TBCEL: variants seen among roughly 807,000 people sequenced by gnomAD.
TBCEL encodes the protein tubulin-specific chaperone cofactor E-like protein.
TBCEL carries 15 observed loss-of-function variants against 44.2 expected under a neutral mutation model. That is an observed-to-expected ratio of 0.34 (90% CI 0.23 to 0.52). The LOEUF (loss-of-function observed/expected upper bound fraction) is 0.52. TBCEL is among the 20% of genes least tolerant of loss of function. The probability of loss-of-function intolerance (pLI) is 0.95; values close to 1 mark genes in which losing one functional copy is unlikely to be tolerated. For synonymous variants in TBCEL, 171 were observed against 185.4 expected, an observed-to-expected ratio of 0.92 and a Z score of 0.63; for missense variants, 319 against 506.3, an observed-to-expected ratio of 0.63 and a Z score of 3.55.
chr11:121,037,571 T>G (rs1945254639), intron 2 of TBCEL, among the ~76,000 whole-genome samples: 1 of 152,224 alleles, frequency 6.6e-6, no homozygotes, highest in Non-Finnish European at 1.5e-5. Flanking sequence ...AAAAACTTAC[T>G]AATGGAATAC....
At chr11:121,037,843 A>G (rs1945259698) in intron 2 of TBCEL, among the ~76,000 whole-genome samples, 1 of 152,190 alleles carries the variant, frequency 6.6e-6, no homozygotes, top group Non-Finnish European at 1.5e-5. Context: ...AAAGCTTTTG[A>G]TAATACTTAT....
chr11:121,041,712 C>CT (rs1057022121), intron 2 of TBCEL, among the ~76,000 whole-genome samples: 6 of 151,944 alleles, frequency 3.9e-5, no homozygotes, highest in African/African-American at 1.4e-4. Flanking sequence ...GGTTTTCAGC[C>CT]TTTTTTCCCA....
In TBCEL at chr11:121,038,814, G is replaced by A. The variant is rs569188319; in HGVS notation, c.-18+2202G>A. The stretch of plus-strand genomic sequence containing the variant: ...TTTTTTCCACCAACTGTCCCACCTC[G>A]TCCACTTTCATTTAAGCCTCTCAAA... On this transcript the variant is annotated intron_variant, in intron 2 of 8. Coordinates refer to ENST00000683345, the MANE Select transcript of TBCEL (RefSeq NM_001363644.2). Among the ~76,000 whole-genome samples, 10 of 151,854 alleles carry A rather than the reference G, an allele frequency of 6.6e-5. No homozygotes were observed. The South Asian group carries it at 1.0e-3, about 16-fold the overall frequency.
chr11:121,060,206 G>A (rs1262674863), intron 8 of TBCEL, 121 bp downstream of exon 8: 4 of 656,572 alleles, frequency 6.1e-6, no homozygotes, highest in East Asian at 2.7e-5. Context: ...TTGTTAATAC[G>A]TTAAAAAAAA....
At chr11:121,038,361 T>C (rs1945271774) in intron 2 of TBCEL, among the ~76,000 whole-genome samples, 1 of 152,222 alleles carries the variant, frequency 6.6e-6, no homozygotes, top group Admixed American at 6.5e-5. Context: ...GAAAAATATG[T>C]AACATATACA....
intron 3 of TBCEL, among the ~76,000 whole-genome samples, 179 bp downstream of exon 3, chr11:121,046,002 G>A (rs1249147084): frequency 6.6e-6 from 1 of 152,062 alleles, no homozygotes; most frequent in Non-Finnish European, 1.5e-5. Context: ...CCTCCAGATT[G>A]ATTAAGAGAT....
chr11:121,053,494 T>C (rs1161657939), intron 4 of TBCEL, 57 bp from the exon 5 acceptor site: 1 of 1,530,842 alleles, frequency 6.5e-7, no homozygotes, highest in Admixed American at 1.8e-5. Flanking sequence ...TTGAGCATGA[T>C]TGCTATTTAA....
intron 8 of TBCEL, among the ~76,000 whole-genome samples, chr11:121,063,744 C>CTAACTTTGCCTGCACA (rs1945767083): frequency 1.3e-5 from 2 of 152,176 alleles, no homozygotes; most frequent in Non-Finnish European, 2.9e-5. Context: ...TCGCTTGCAC[C>CTAACTTTGCCTGCACA]TAACTTTGCC....
chr11:121,087,354 A>G lies in TBCEL; in HGVS notation c.*258A>G, dbSNP rs966168946. ...GTGCCCTCTCTAAGGAAAGATGACA[A>G]AGAAATCACCGACTTCTTACTGTGT... On this transcript the variant is annotated 3_prime_UTR_variant, in exon 9 of 9. Transcript: ENST00000683345. The G allele has an allele frequency of 1.1e-5, 5 of 448,466 alleles. No homozygotes were observed. The highest frequency in any genetic ancestry group is 3.9e-5 in the Admixed American group (1 of 25,740). The allele number at this position is 448,466 out of a possible 1,614,324, so 27.8% of individuals were successfully genotyped here. A position where few individuals can be genotyped will look rare whatever the true frequency, so the allele number is the denominator to read the frequency against.
At chr11:121,083,977 T>C (rs1946170670) in intron 8 of TBCEL, among the ~76,000 whole-genome samples, 1 of 152,316 alleles carries the variant, frequency 6.6e-6, no homozygotes, top group East Asian at 1.9e-4. Context: ...TGGCTGTGGC[T>C]TTTCTACTGT....
At chr11:121,049,063 A>G (rs1215191809) in intron 4 of TBCEL, among the ~76,000 whole-genome samples, 1 of 151,922 alleles carries the variant, frequency 6.6e-6, no homozygotes, top group Non-Finnish European at 1.5e-5. Flanking sequence ...CTAATAGACT[A>G]TGAGCTTATT....
intron 2 of TBCEL, among the ~76,000 whole-genome samples, chr11:121,043,303 C>T (rs1945367917): frequency 6.6e-6 from 1 of 152,036 alleles, no homozygotes; most frequent in African/African-American, 2.4e-5. Flanking sequence ...TGAATTGATA[C>T]TGAAAGAAAT....
At chr11:121,069,460 G>A (rs1187648601) in intron 8 of TBCEL, among the ~76,000 whole-genome samples, 1 of 152,142 alleles carries the variant, frequency 6.6e-6, no homozygotes, top group Non-Finnish European at 1.5e-5. Flanking sequence ...GTCTTTATGT[G>A]CAGTGAACTA....
intron 8 of TBCEL, among the ~76,000 whole-genome samples, chr11:121,071,272 ATCCTC>A (rs1945926089): frequency 1.3e-5 from 2 of 152,168 alleles, no homozygotes; most frequent in South Asian, 4.1e-4. Context: ...ATACACAGTC[ATCCTC>A]TTTAATTTTA....
At chr11:121,041,885 G>A (rs1565493880) in intron 2 of TBCEL, among the ~76,000 whole-genome samples, 1 of 146,542 alleles carries the variant, frequency 6.8e-6, no homozygotes. Flanking sequence ...AATGACCAAT[G>A]AAGGTACTTG....
At chr11:121,034,163 T>C (rs1945190212) in intron 1 of TBCEL, among the ~76,000 whole-genome samples, 1 of 152,194 alleles carries the variant, frequency 6.6e-6, no homozygotes, top group Admixed American at 6.5e-5. Context: ...GCTTAAGTTT[T>C]TGAGGAACAA....
intron 2 of TBCEL, among the ~76,000 whole-genome samples, chr11:121,045,312 G>A (rs1045895086): frequency 1.3e-5 from 2 of 152,062 alleles, no homozygotes; most frequent in African/African-American, 2.4e-5. Context: ...TTAGCCTGAT[G>A]TTCAATCTGT....
intron 4 of TBCEL, among the ~76,000 whole-genome samples, chr11:121,049,260 G>A (rs1394712257): frequency 6.6e-6 from 1 of 151,766 alleles, no homozygotes; most frequent in African/African-American, 2.4e-5. Flanking sequence ...TTATCCATAA[G>A]GTAGGCTTGC....
At chr11:121,040,800 A>G (rs976216019) in intron 2 of TBCEL, among the ~76,000 whole-genome samples, 1 of 152,172 alleles carries the variant, frequency 6.6e-6, no homozygotes, top group Non-Finnish European at 1.5e-5. Flanking sequence ...AAGATGATGT[A>G]TGCACATGGT....
Sources: gnomAD v4.1 joint callset for allele counts (sites outside exome capture counted in the v4.1 genomes callset) on GRCh38, gnomAD v4.1.1 for gene constraint, MANE v1.5 for transcripts, NCBI Gene and HGNC (gene_info 2026-07-23, HGNC 2026-07-21) for gene names.